The following ZFHX3 variants were observed in gnomAD, a reference collection of about 807,000 sequenced individuals.
The protein encoded by ZFHX3 is zinc finger homeobox protein 3.
A neutral mutation model predicts 279.1 loss-of-function variants in ZFHX3; 42 were observed. That is an observed-to-expected ratio of 0.15 (90% CI 0.12 to 0.19). ZFHX3 has a LOEUF of 0.19. Ranked by LOEUF, ZFHX3 falls within the 10% of genes least tolerant of loss-of-function variation. ZFHX3 has a pLI of 1.00. For missense variants in ZFHX3, 4,981 were observed against 4,754.0 expected, an observed-to-expected ratio of 1.05 and a Z score of -1.40; for synonymous variants, 2,293 against 1,957.8, an observed-to-expected ratio of 1.17 and a Z score of -4.52.
At chr16:73,870,536 G>T (rs1184152270) in intron 1 of ZFHX3, among the ~76,000 whole-genome samples, 1 of 151,376 alleles carries the variant, frequency 6.6e-6, no homozygotes, top group Non-Finnish European at 1.5e-5. Context: ...CTGAGGAATA[G>T]CCAGACAAGT....
intron 1 of ZFHX3, among the ~76,000 whole-genome samples, chr16:73,883,331 T>G (rs927029990): frequency 6.6e-6 from 1 of 152,302 alleles, no homozygotes; most frequent in Admixed American, 6.5e-5. Flanking sequence ...CTATGTTCTC[T>G]GTGTATTCTG....
chr16:73,714,747 C>T (rs951898167), intron 1 of ZFHX3, among the ~76,000 whole-genome samples: 2 of 152,110 alleles, frequency 1.3e-5, no homozygotes, highest in African/African-American at 4.8e-5. Context: ...CCAAAATATC[C>T]ACTTCCCCTC....
intron 1 of ZFHX3, among the ~76,000 whole-genome samples, chr16:73,881,573 T>A (rs533756873): frequency 6.6e-6 from 1 of 150,920 alleles, no homozygotes; most frequent in Admixed American, 6.6e-5. Context: ...TGTTCCATTT[T>A]TATCTGTTTA....
At chr16:72,859,650 T>C (rs1032737724) in intron 4 of ZFHX3, among the ~76,000 whole-genome samples, 3 of 152,206 alleles carry the variant, frequency 2.0e-5, no homozygotes, top group African/African-American at 2.4e-5. Flanking sequence ...CTAAAACTCA[T>C]TGGCCCCACT....
At chr16:73,043,886 T>A (rs1965202896) in intron 1 of ZFHX3, among the ~76,000 whole-genome samples, 1 of 152,204 alleles carries the variant, frequency 6.6e-6, no homozygotes, top group African/African-American at 2.4e-5. Context: ...CTCTGACAGT[T>A]GTTGATTTTG....
chr16:73,887,487 TG>T (rs2142420414), intron 1 of ZFHX3, among the ~76,000 whole-genome samples: 1 of 152,322 alleles, frequency 6.6e-6, no homozygotes, highest in East Asian at 1.9e-4. Context: ...TAGATTAAAA[TG>T]GTTTAACTTC....
At position 72,889,921 on chromosome 16, in the gene ZFHX3, G is replaced by C. The variant is rs2144076029; in HGVS notation, c.3258C>G (p.Cys1086Trp). 3 of 1,614,156 alleles carry C rather than the reference G, an allele frequency of 1.9e-6. No homozygotes were observed. Among genetic ancestry groups the C allele is most frequent in the Non-Finnish European group, 2.5e-6 (3 of 1,180,036 alleles). ...QHESGVEGESCYYHCVLCNYS... is the reference protein window; with the variant it reads ...QHESGVEGESWYYHCVLCNYS... ...AGTTGCACAGAACGCAGTGGTAGTA[G>C]CAGCTCTCACCTTCTACACCACTCT... The change falls in exon 4 of 10, where the codon TGC becomes TGG. Residue 1086 changes from cysteine (C) to tryptophan (W), a missense_variant. Physicochemically the swap from Cys to Trp is radical, Grantham distance 215 (BLOSUM62 -2). Around this residue, in one of 7 missense-constraint regions of ZFHX3, gnomAD observed 1,751 missense variants for 1,770.0 expected, o/e 0.99. Transcript: ENST00000268489.
chr16:73,123,749 TAG>T (rs1290273353), intron 7 of ZFHX3: 1 of 152,002 alleles, frequency 6.6e-6, no homozygotes, highest in Non-Finnish European at 1.5e-5. Context: ...CATTAAGAGG[TAG>T]AGTCTTTGGG....
chr16:73,205,387 T>G (rs1202938944), intron 5 of ZFHX3, among the ~76,000 whole-genome samples: 1 of 152,190 alleles, frequency 6.6e-6, no homozygotes, highest in Non-Finnish European at 1.5e-5. Flanking sequence ...ACTGATTGTA[T>G]TTACTTTTGC....
At chr16:73,231,064 GA>G (rs1360114891) in intron 5 of ZFHX3, among the ~76,000 whole-genome samples, 2 of 152,196 alleles carry the variant, frequency 1.3e-5, no homozygotes, top group Admixed American at 6.5e-5. Context: ...AAAACGGAGT[GA>G]ATGGGGAGAG....
intron 1 of ZFHX3, among the ~76,000 whole-genome samples, chr16:73,762,469 A>G (rs985029175): frequency 2.0e-5 from 3 of 152,238 alleles, no homozygotes; most frequent in African/African-American, 4.8e-5. Flanking sequence ...CAGCAATCCC[A>G]TTACTGGGAA....
chr16:73,618,341 T>C (rs376458349), intron 2 of ZFHX3, among the ~76,000 whole-genome samples: 3 of 152,254 alleles, frequency 2.0e-5, no homozygotes, highest in Admixed American at 6.5e-5. Context: ...AATGCAAAGA[T>C]AGATAAGATT....
chr16:73,059,478 C>G (rs1215391281), exon 1 of ZFHX3: 1 of 146,620 alleles, frequency 6.8e-6, no homozygotes. Flanking sequence ...TTTTTTTTTC[C>G]TTTCTTCTTC....
chr16:73,141,398 A>ATT (rs34599739), intron 6 of ZFHX3, among the ~76,000 whole-genome samples: 44 of 144,664 alleles, frequency 3.0e-4, no homozygotes, highest in African/African-American at 1.0e-3. Flanking sequence ...TCTTTAAATA[A>ATT]TTTTTTTTTT....
chr16:73,004,299 TTC>T (rs1404677926), intron 1 of ZFHX3, among the ~76,000 whole-genome samples: 1 of 148,966 alleles, frequency 6.7e-6, no homozygotes, highest in Admixed American at 6.7e-5. Context: ...GCCTCCATTT[TTC>T]TCTATCTGTA....
At chr16:73,733,829 T>C (rs186070058) in intron 1 of ZFHX3, among the ~76,000 whole-genome samples, 140 of 152,184 alleles carry the variant, frequency 9.2e-4, no homozygotes, top group African/African-American at 2.8e-3. Context: ...TTAAAATACA[T>C]CCCCCAAAAA....
At chr16:73,711,552 C>G (rs2053363143) in intron 1 of ZFHX3, among the ~76,000 whole-genome samples, 1 of 152,024 alleles carries the variant, frequency 6.6e-6, no homozygotes, top group South Asian at 2.1e-4. Context: ...GCCAAGGGGT[C>G]ACCAAGAAGC....
intron 4 of ZFHX3, among the ~76,000 whole-genome samples, chr16:72,832,918 C>T (rs935689119): frequency 2.6e-5 from 4 of 152,236 alleles, no homozygotes; most frequent in African/African-American, 9.6e-5. Flanking sequence ...TCATCATCAA[C>T]AGCAAGAGGA....
intron 5 of ZFHX3, among the ~76,000 whole-genome samples, chr16:72,823,355 G>A (rs2036846921): frequency 6.6e-6 from 1 of 152,188 alleles, no homozygotes; most frequent in Non-Finnish European, 1.5e-5. Flanking sequence ...TTTTGTAGAG[G>A]TATGGTGGTG....
Sources: gnomAD v4.1 joint callset for allele counts (sites outside exome capture counted in the v4.1 genomes callset) on GRCh38, gnomAD v4.1.1 for gene constraint, gnomAD v4.1.1 regional missense constraint, MANE v1.5 for transcripts, NCBI Gene and HGNC (gene_info 2026-07-23, HGNC 2026-07-21) for gene names.